Variants in PLCB1 observed in about 807,000 individuals in gnomAD.
PLCB1 encodes phospholipase C beta 1.
A neutral mutation model predicts 161.8 loss-of-function variants in PLCB1; 46 were observed. The observed-to-expected ratio is 0.28, with a 90% CI of 0.22 to 0.36. The LOEUF is 0.36. PLCB1 is among the 10% of genes least tolerant of loss of function. The pLI, the probability that PLCB1 is intolerant of heterozygous loss-of-function variation, is 1.00. For missense variants in PLCB1, 1,016 were observed against 1,472.5 expected, an observed-to-expected ratio of 0.69 and a Z score of 5.07; for synonymous variants, 517 against 503.7, an observed-to-expected ratio of 1.03 and a Z score of -0.35.
At chr20:8,278,471 C>T (rs1014670485) in intron 2 of PLCB1, among the ~76,000 whole-genome samples, 1 of 151,108 alleles carries the variant, frequency 6.6e-6, no homozygotes, top group African/African-American at 2.4e-5. Context: ...CTTGCCAAGA[C>T]ATAAATGTAA....
intron 31 of PLCB1, among the ~76,000 whole-genome samples, chr20:8,863,601 A>C (rs1306986788): frequency 6.6e-6 from 1 of 152,174 alleles, no homozygotes; most frequent in Non-Finnish European, 1.5e-5. Context: ...TGTTCGGGAG[A>C]CCTCAATTTG....
At chr20:8,342,028 A>G (rs111482281) in intron 2 of PLCB1, among the ~76,000 whole-genome samples, 5 of 152,172 alleles carry the variant, frequency 3.3e-5, no homozygotes, top group African/African-American at 1.2e-4. Context: ...CTGTGTCCCC[A>G]TGCTTTCTAG....
At chr20:8,385,824 A>T (rs1987411145) in intron 3 of PLCB1, among the ~76,000 whole-genome samples, 1 of 152,184 alleles carries the variant, frequency 6.6e-6, no homozygotes, top group African/African-American at 2.4e-5. Context: ...CTTCCTCTCC[A>T]TGGATCATGC....
intron 4 of PLCB1, among the ~76,000 whole-genome samples, chr20:8,633,189 T>G (rs770079525): frequency 2.0e-5 from 3 of 151,974 alleles, no homozygotes; most frequent in Non-Finnish European, 4.4e-5. Context: ...TTATGGATTT[T>G]ATGTTGCATG....
chr20:8,193,473 A>G (rs750467691), intron 2 of PLCB1, among the ~76,000 whole-genome samples: 2 of 152,018 alleles, frequency 1.3e-5, no homozygotes, highest in African/African-American at 2.4e-5. Flanking sequence ...TGATTTGGAA[A>G]TATCCCCTAG....
At chr20:8,426,061 C>G (rs1057285669) in intron 3 of PLCB1, among the ~76,000 whole-genome samples, 3 of 152,152 alleles carry the variant, frequency 2.0e-5, no homozygotes, top group Admixed American at 1.3e-4. Context: ...CACTTTTTAG[C>G]TGAGTTGAAA....
chr20:8,824,136 A>G (rs1985572574), intron 31 of PLCB1, among the ~76,000 whole-genome samples: 2 of 152,158 alleles, frequency 1.3e-5, no homozygotes, highest in East Asian at 1.9e-4. Flanking sequence ...TTGAAACTTA[A>G]AAGCTCAATA....
chr20:8,776,249 T>C (rs767397391), intron 27 of PLCB1, among the ~76,000 whole-genome samples: 2 of 152,210 alleles, frequency 1.3e-5, no homozygotes, highest in Non-Finnish European at 2.9e-5. Flanking sequence ...GTCAGCCCCA[T>C]TTTGCAGATA....
chr20:8,247,544 T>C (rs1208783709), intron 2 of PLCB1, among the ~76,000 whole-genome samples: 1 of 151,970 alleles, frequency 6.6e-6, no homozygotes, highest in Non-Finnish European at 1.5e-5. Flanking sequence ...AATTTAAGAA[T>C]TGGCCAGGCT....
intron 2 of PLCB1, among the ~76,000 whole-genome samples, chr20:8,211,673 G>A (rs896516065): frequency 2.0e-5 from 3 of 152,040 alleles, no homozygotes; most frequent in Non-Finnish European, 2.9e-5. Context: ...TTGAGTTGCC[G>A]AGATTCCTTA....
chr20:8,562,869 A>G lies in PLCB1; in HGVS notation c.247-65425A>G, dbSNP rs1043876585. On this transcript the variant is annotated intron_variant, in intron 3 of 31. Coordinates refer to ENST00000338037, the MANE Select transcript of PLCB1 (RefSeq NM_015192.4). Reference sequence around the variant, plus strand: ...TGATAGACTATTTTTACAAACTAGAAAAGATTCTAAATCAGGAAAAGTACA... The same window carrying G: ...TGATAGACTATTTTTACAAACTAGAGAAGATTCTAAATCAGGAAAAGTACA... 2.0e-5 allele frequency among the ~76,000 whole-genome samples: 3 copies of G among 152,092 alleles called. No individual in the cohort carries two copies. In the East Asian group the frequency reaches 5.8e-4, roughly 29 times the overall value.
intron 11 of PLCB1, among the ~76,000 whole-genome samples, chr20:8,707,169 G>A (rs1441996775): frequency 2.0e-5 from 3 of 152,042 alleles, no homozygotes; most frequent in East Asian, 1.9e-4. Context: ...GATTCTTCTC[G>A]CTCCATGCAG....
At position 8,223,730 on chromosome 20, in the gene PLCB1, C is replaced by T. The variant is rs73897341; in HGVS notation, c.177+73359C>T. Among the ~76,000 whole-genome samples, 1,016 of 152,166 alleles carry T rather than the reference C, an allele frequency of 6.7e-3. 18 individuals are homozygous for T. Among genetic ancestry groups the T allele is most frequent in the African/African-American group, 0.023 (954 of 41,530 alleles). ...AAGAGTGACTCAGTTCAAACACATG[C>T]GTGCAGATTAAACGTCTTCTTTAAG... is the stretch of plus-strand genomic sequence containing the variant. On this transcript the variant is annotated intron_variant, in intron 2 of 31. Coordinates refer to ENST00000338037, the MANE Select transcript of PLCB1 (RefSeq NM_015192.4).
intron 3 of PLCB1, among the ~76,000 whole-genome samples, chr20:8,613,603 A>G (rs915084400): frequency 2.0e-5 from 3 of 152,212 alleles, no homozygotes; most frequent in African/African-American, 7.2e-5. Context: ...TATAGATTGA[A>G]AAGAAACTAT....
chr20:8,620,631 T>C (rs566330023), intron 3 of PLCB1, among the ~76,000 whole-genome samples: 81 of 151,580 alleles, frequency 5.3e-4, no homozygotes, highest in African/African-American at 1.9e-3. Flanking sequence ...TCCCAGCTAT[T>C]TGGGGGCTGA....
chr20:8,377,366 C>T (rs1366593735), intron 3 of PLCB1, among the ~76,000 whole-genome samples: 3 of 152,154 alleles, frequency 2.0e-5, no homozygotes, highest in Admixed American at 2.0e-4. Flanking sequence ...CTGTAGAGTT[C>T]AGACCTTTTA....
intron 2 of PLCB1, among the ~76,000 whole-genome samples, chr20:8,240,171 G>T (rs745757508): frequency 9.3e-5 from 14 of 150,848 alleles, no homozygotes; most frequent in Non-Finnish European, 1.6e-4. Flanking sequence ...AACAAAAGCT[G>T]TGTGAATGAG....
intron 2 of PLCB1, among the ~76,000 whole-genome samples, chr20:8,285,097 C>G (rs1026958060): frequency 6.6e-6 from 1 of 151,710 alleles, no homozygotes; most frequent in African/African-American, 2.4e-5. Context: ...TTATCTCATT[C>G]TCTGGCATTT....
At chr20:8,433,467 C>T (rs549724283) in intron 3 of PLCB1, among the ~76,000 whole-genome samples, 2 of 117,092 alleles carry the variant, frequency 1.7e-5, no homozygotes, top group Admixed American at 7.8e-5. Flanking sequence ...AGGGGAACTG[C>T]GAATTGCAAA....
Sources: allele counts gnomAD v4.1 joint callset (sites outside exome capture counted in the v4.1 genomes callset), GRCh38; gene constraint gnomAD v4.1.1; transcripts MANE v1.5; gene names NCBI Gene and HGNC (gene_info 2026-07-23, HGNC 2026-07-21).